TMEM237: variants seen among roughly 807,000 people sequenced by gnomAD.
The protein encoded by TMEM237 is transmembrane protein 237, also known as amyotrophic lateral sclerosis 2 (juvenile) chromosome region, candidate 4.
In TMEM237, 51 loss-of-function variants were observed where a neutral mutation model predicts 59.1. The observed-to-expected ratio is 0.86, with a 90% CI of 0.69 to 1.09. TMEM237 has a LOEUF of 1.09. Among genes scored for constraint, TMEM237 ranks in the 50% least tolerant of loss-of-function variants. The pLI is 0.00. For synonymous variants in TMEM237, 140 were observed against 166.1 expected (o/e 0.84, Z 1.21); for missense variants, 475 against 478.3 (o/e 0.99, Z 0.06).
At position 201,629,229 on chromosome 2, in the gene TMEM237, C is replaced by T. The variant is rs730882231; in HGVS notation, c.869+1G>A. 1 of 1,552,056 alleles carries T rather than the reference C, an allele frequency of 6.4e-7. No individual in the cohort carries two copies. On this transcript the variant is annotated splice_donor_variant, in intron 9 of 12. Coordinates refer to ENST00000409883, the MANE Select transcript of TMEM237 (RefSeq NM_001044385.3). LOFTEE classifies it high-confidence loss of function. Reference sequence around the variant, plus strand: ...GACAGATCTGGAGTCATAGGCATTACCTGTCAAAAGCTGAAATTGTACTCA... The same window carrying T: ...GACAGATCTGGAGTCATAGGCATTATCTGTCAAAAGCTGAAATTGTACTCA...
chr2:201,642,679 A>AC, intron 1 of TMEM237: 1 of 1,602,252 alleles, frequency 6.2e-7, no homozygotes, highest in South Asian at 1.1e-5. Flanking sequence ...CTGGCGCCCC[A>AC]CCCCTCCCGG....
chr2:201,624,566 T>C (rs1373111995), intron 12 of TMEM237, among the ~76,000 whole-genome samples: 1 of 152,182 alleles, frequency 6.6e-6, no homozygotes, highest in East Asian at 1.9e-4. Context: ...TAAAATGTAA[T>C]AGAGACAATA....
intron 11 of TMEM237, among the ~76,000 whole-genome samples, chr2:201,626,852 C>T (rs557539988): frequency 1.6e-4 from 25 of 152,172 alleles, no homozygotes; most frequent in Non-Finnish European, 3.1e-4. Flanking sequence ...GAGGCCAAGG[C>T]GGGTGGATCA....
At chr2:201,642,683 C>A (rs542592952) in intron 1 of TMEM237, 18 of 1,601,158 alleles carry the variant, frequency 1.1e-5, no homozygotes, top group Middle Eastern at 3.3e-4. Context: ...CGCCCCACCC[C>A]TCCCGGCTCG....
At chr2:201,640,131 A>G in intron 3 of TMEM237, 130 bp downstream of exon 3, 5 of 699,892 alleles carry the variant, frequency 7.1e-6, no homozygotes, top group Non-Finnish European at 1.1e-5. Flanking sequence ...TAGTCATGGG[A>G]GATTATTTCA....
In TMEM237 at chr2:201,622,034, A is replaced by T. The variant is rs1957712865; in HGVS notation, c.*2221T>A. On this transcript the variant is annotated 3_prime_UTR_variant, in exon 13 of 13. Coordinates refer to ENST00000409883, the MANE Select transcript of TMEM237 (RefSeq NM_001044385.3). ...CCTCTGTACAAGTCCTTAATCAGGG[A>T]ATACTCAATGTTTTTCCCTGATGAA... The T allele has an allele frequency of 6.6e-6, 1 of 152,130 alleles. No individual in the cohort carries two copies. The highest frequency in any genetic ancestry group is 6.5e-5 in the Admixed American group (1 of 15,270). The allele number at this position is 152,130 out of a possible 1,614,324, so 9.4% of individuals were successfully genotyped here. A position where few individuals can be genotyped will look rare whatever the true frequency, so the allele number is the denominator to read the frequency against.
At position 201,624,021 on chromosome 2, in the gene TMEM237, T is replaced by C. The variant is rs1238297412; in HGVS notation, c.*234A>G. ...ATAGGAAATAAACACTTTCACTTGC[T>C]GGTTTCTAGTTCATTATTCCCTTTG... On this transcript the variant is annotated 3_prime_UTR_variant, in exon 13 of 13. Transcript: ENST00000409883. 1.7e-5 allele frequency: 6 copies of C among 354,780 alleles called. No homozygotes were observed. The highest frequency in any genetic ancestry group is 3.0e-5 in the Non-Finnish European group (6 of 197,860). 22.0% of individuals were successfully genotyped at this position (354,780 alleles called of 1,614,324 possible).
rs1369476710 is a variant in TMEM237 at position 201,636,808 on chromosome 2, G to A, written c.214C>T (p.Leu72Phe). The A allele has an allele frequency of 6.3e-7, 1 of 1,599,202 alleles. No homozygotes were observed. The highest frequency in any genetic ancestry group is 8.5e-7 in the Non-Finnish European group (1 of 1,172,558). Residue 72 changes from leucine (L) to phenylalanine (F), a missense_variant, in exon 5 of 13, where the codon CTC (leucine) becomes TTC (phenylalanine). Physicochemically the swap from Leu to Phe is conservative, Grantham distance 22 (BLOSUM62 0). Transcript: ENST00000409883. ...ACAGGAGCCTCTGGGTGCTCTTTGA[G>A]TTCTTTAGTTGATGGCTCATTGCCC... ...SEGNEPSTKELKEHPEAPVQR... is the reference protein window; with the variant it reads ...SEGNEPSTKEFKEHPEAPVQR...
Position 201,629,754 on chromosome 2 carries a change from C to A in TMEM237, c.652G>T (p.Ala218Ser). 1 of 1,612,816 alleles carries A rather than the reference C, an allele frequency of 6.2e-7. No individual in the cohort carries two copies. Among genetic ancestry groups the A allele is most frequent in the Non-Finnish European group, 8.5e-7 (1 of 1,179,634 alleles). The change falls in exon 8 of 13, where the codon GCA becomes TCA. Residue 218 changes from alanine (A) to serine (S), a missense_variant. Transcript: ENST00000409883. ...VKPSWTTRDVALTVHRAFRMI... is the reference protein window; with the variant it reads ...VKPSWTTRDVSLTVHRAFRMI... ...CTGAAAGCCCGGTGCACTGTAAGTG[C>A]CACATCTCTGGTGGTCCAGGAAGGC...
intron 9 of TMEM237, among the ~76,000 whole-genome samples, 194 bp from the exon 10 acceptor site, chr2:201,628,343 C>A (rs1293339710): frequency 6.6e-6 from 1 of 152,188 alleles, no homozygotes; most frequent in Non-Finnish European, 1.5e-5. Flanking sequence ...AAACATCTAA[C>A]TAGACTACTT....
At chr2:201,628,991 AT>A (rs1346098278) in intron 9 of TMEM237, among the ~76,000 whole-genome samples, 1 of 152,190 alleles carries the variant, frequency 6.6e-6, no homozygotes, top group East Asian at 1.9e-4. Flanking sequence ...AGTTGACTAT[AT>A]TTGGATGAAA....
rs992818026 is a variant in TMEM237 at position 201,629,324 on chromosome 2, A to G, written c.775T>C (p.Ser259Pro). 4 of 1,612,110 alleles carry G rather than the reference A, an allele frequency of 2.5e-6. No individual in the cohort carries two copies. Among genetic ancestry groups the G allele is most frequent in the Admixed American group, 3.4e-5 (2 of 59,464 alleles). ...GTCTTGTATTGTTGCAGAAGGTTTGAGAGGTTGGATAGCTGATCTCCTGCT... is the reference window on the plus strand; with the variant it reads ...GTCTTGTATTGTTGCAGAAGGTTTGGGAGGTTGGATAGCTGATCTCCTGCT... The part of the protein sequence containing the change: ...VLAGDQLSNL[S>P]NLLQQYKTLA... Residue 259 changes from serine (S) to proline (P), a missense_variant, in exon 9 of 13, where the codon TCA becomes CCA. By Grantham distance (74) the Ser-to-Pro change is moderately conservative (BLOSUM62 -1). Transcript: ENST00000409883.
intron 6 of TMEM237, 23 bp from the exon 7 acceptor site, chr2:201,632,231 A>T: frequency 6.2e-7 from 1 of 1,610,894 alleles, no homozygotes; most frequent in Non-Finnish European, 8.5e-7. Context: ...CGTATGTATG[A>T]AAAATAGATG....
chr2:201,643,280 CCACACACA>C lies in TMEM237; in HGVS notation c.42+71_42+78del. 2.2e-6 allele frequency: 3 copies of C among 1,334,876 alleles called. No individual in the cohort carries two copies. Among genetic ancestry groups the C allele is most frequent in the Non-Finnish European group, 3.1e-6 (3 of 958,264 alleles). 82.7% of individuals were successfully genotyped at this position (1,334,876 alleles called of 1,614,324 possible). The stretch of plus-strand genomic sequence containing the variant: ...TGATTCCCAGCTCGTTGGCGCCCCC[CCACACACA>C]CCCACCCCCACTGCCAAGTGTAGCT... On this transcript the variant is annotated intron_variant, in intron 1 of 12. Transcript: ENST00000409883. The surrounding 1 kb of genome is among the most constrained non-coding windows in gnomAD (Gnocchi z 4.3).
At chr2:201,632,252 T>A (rs772768337) in intron 6 of TMEM237, 44 bp from the exon 7 acceptor site, 6 of 1,603,514 alleles carry the variant, frequency 3.7e-6, no homozygotes, top group African/African-American at 1.3e-5. Context: ...ATTATTGAAT[T>A]TTTTACAGAC....
intron 1 of TMEM237, among the ~76,000 whole-genome samples, chr2:201,641,266 A>C (rs55902839): frequency 0.47 from 71,014 of 151,992 alleles, 17,410 homozygotes; most frequent in Non-Finnish European, 0.55. Context: ...TGGTGGGATT[A>C]TAGGAGTGAG....
At chr2:201,641,010 G>A in intron 1 of TMEM237, 86 bp from the exon 2 acceptor site, 1 of 1,193,848 alleles carries the variant, frequency 8.4e-7, no homozygotes, top group Non-Finnish European at 1.2e-6. Flanking sequence ...TTTTTTTTTT[G>A]AGATGGTGTA....
At chr2:201,633,747 C>G (rs1285098151) in intron 5 of TMEM237, among the ~76,000 whole-genome samples, 1 of 152,168 alleles carries the variant, frequency 6.6e-6, no homozygotes, top group Non-Finnish European at 1.5e-5. Flanking sequence ...ATCACACTCA[C>G]AATTATGGTT....
At chr2:201,637,238 C>T (rs918831339) in intron 4 of TMEM237, among the ~76,000 whole-genome samples, 2 of 152,116 alleles carry the variant, frequency 1.3e-5, no homozygotes, top group African/African-American at 4.8e-5. Context: ...TGCCTCTTGC[C>T]TTAAGAATTT....
Sources: allele counts gnomAD v4.1 joint callset (sites outside exome capture counted in the v4.1 genomes callset), GRCh38; gene constraint gnomAD v4.1.1; non-coding constraint Gnocchi (gnomAD v3.1); transcripts MANE v1.5; gene names NCBI Gene and HGNC (gene_info 2026-07-23, HGNC 2026-07-21).